Variants in SLC9A9 observed in about 807,000 individuals in gnomAD.
SLC9A9 encodes the protein solute carrier family 9 member A9.
In SLC9A9, 62 loss-of-function variants were observed where a neutral mutation model predicts 77.8. That is an observed-to-expected ratio of 0.80 (90% CI 0.65 to 0.98). The LOEUF is 0.98. SLC9A9 is among the 50% of genes least tolerant of loss of function. SLC9A9 has a pLI of 0.00. For synonymous variants in SLC9A9, 320 were observed against 283.5 expected, an observed-to-expected ratio of 1.13 and a Z score of -1.29; for missense variants, 775 against 774.9, an observed-to-expected ratio of 1.00 and a Z score of 0.00.
chr3:143,658,382 C>T (rs886412196), intron 5 of SLC9A9, among the ~76,000 whole-genome samples: 5 of 152,184 alleles, frequency 3.3e-5, no homozygotes, highest in Admixed American at 6.5e-5. Context: ...CAGTCATCTT[C>T]GGTAGAGCTT....
intron 2 of SLC9A9, among the ~76,000 whole-genome samples, chr3:143,809,552 C>T (rs559715808): frequency 4.7e-4 from 72 of 152,302 alleles, no homozygotes; most frequent in African/African-American, 1.7e-3. Flanking sequence ...TCTCCCCAGA[C>T]TTTGTGTTCA....
At chr3:143,378,997 AAAG>A (rs1380372336) in intron 13 of SLC9A9, among the ~76,000 whole-genome samples, 5 of 151,760 alleles carry the variant, frequency 3.3e-5, no homozygotes, top group Non-Finnish European at 2.9e-5. Flanking sequence ...AGCAGAGAAC[AAAG>A]AAGAAATTTA....
chr3:143,332,776 C>G (rs2031814963), intron 14 of SLC9A9, among the ~76,000 whole-genome samples: 1 of 152,132 alleles, frequency 6.6e-6, no homozygotes, highest in Admixed American at 6.5e-5. Context: ...GAGTGGATGA[C>G]TTTGGGAAGA....
At chr3:143,693,348 AC>A in intron 4 of SLC9A9, 41 bp from the exon 5 acceptor site, 5 of 1,471,474 alleles carry the variant, frequency 3.4e-6, no homozygotes, top group Non-Finnish European at 4.8e-6. Context: ...ATCAAGATGA[AC>A]CCTGTGTAAA....
intron 4 of SLC9A9, among the ~76,000 whole-genome samples, chr3:143,785,511 GAGAACCAC>G (rs2008020456): frequency 1.3e-5 from 2 of 152,226 alleles, no homozygotes; most frequent in African/African-American, 2.4e-5. Flanking sequence ...GACCTCAGAT[GAGAACCAC>G]AGAACTGCCC....
intron 6 of SLC9A9, among the ~76,000 whole-genome samples, chr3:143,591,825 T>C (rs2037649923): frequency 6.6e-6 from 1 of 152,096 alleles, no homozygotes; most frequent in Admixed American, 6.5e-5. Flanking sequence ...AGTTGGACAA[T>C]AGGTCAGAGG....
In SLC9A9 at chr3:143,437,046, A is replaced by G. The variant is rs1007269577; in HGVS notation, c.1469+29991T>C. On this transcript the variant is annotated intron_variant, in intron 12 of 15. Coordinates refer to ENST00000316549, the MANE Select transcript of SLC9A9 (RefSeq NM_173653.4). ...GCTCTTATTGGAGTATTAACATCTCACATTTTTGTGAAGAGTTGATTCAAC... is the reference window on the plus strand; with the variant it reads ...GCTCTTATTGGAGTATTAACATCTCGCATTTTTGTGAAGAGTTGATTCAAC... Among the ~76,000 whole-genome samples the G allele has an allele frequency of 2.0e-5, 3 of 152,150 alleles. No homozygotes were observed. In the East Asian group the frequency reaches 5.8e-4, roughly 29 times the overall value.
At chr3:143,507,049 C>G (rs2036032137) in intron 9 of SLC9A9, among the ~76,000 whole-genome samples, 1 of 151,710 alleles carries the variant, frequency 6.6e-6, no homozygotes, top group East Asian at 1.9e-4. Flanking sequence ...GATTGCTGAC[C>G]TCCTTCCTTA....
At chr3:143,420,985 C>T (rs1016858534) in intron 12 of SLC9A9, among the ~76,000 whole-genome samples, 9 of 151,890 alleles carry the variant, frequency 5.9e-5, no homozygotes, top group Admixed American at 1.3e-4. Flanking sequence ...TTTCTATACA[C>T]CAATAATGTC....
At chr3:143,417,133 T>C (rs1203771721) in intron 12 of SLC9A9, among the ~76,000 whole-genome samples, 2 of 151,416 alleles carry the variant, frequency 1.3e-5, no homozygotes, top group Admixed American at 6.6e-5. Flanking sequence ...GGAAAGGGAG[T>C]GAGAAGGGAG....
intron 2 of SLC9A9, among the ~76,000 whole-genome samples, chr3:143,831,096 T>G (rs1264973327): frequency 6.6e-6 from 1 of 151,988 alleles, no homozygotes; most frequent in Non-Finnish European, 1.5e-5. Flanking sequence ...CCCCTTCTGT[T>G]CCAAACCTCT....
intron 4 of SLC9A9, among the ~76,000 whole-genome samples, chr3:143,765,628 T>C (rs2007289319): frequency 6.6e-6 from 1 of 152,216 alleles, no homozygotes; most frequent in Admixed American, 6.5e-5. Context: ...TCGTGATTGT[T>C]GATATAAGTG....
In SLC9A9 at chr3:143,404,658, GTA is replaced by G. The variant is rs1410725858; in HGVS notation, c.1470-22546_1470-22545del. Among the ~76,000 whole-genome samples, 3 of 151,650 alleles carry G rather than the reference GTA, an allele frequency of 2.0e-5. No homozygotes were observed. The East Asian group carries it at 5.8e-4, about 29-fold the overall frequency. Reference sequence around the variant, plus strand: ...CTAATCTACCTCTTTCCATGTATATGTATTTTTTTGGTCAAAAACTGGACATT... The same window carrying G: ...CTAATCTACCTCTTTCCATGTATATGTTTTTTTGGTCAAAAACTGGACATT... On this transcript the variant is annotated intron_variant, in intron 12 of 15. Coordinates refer to ENST00000316549, the MANE Select transcript of SLC9A9 (RefSeq NM_173653.4).
chr3:143,320,645 A>G (rs904472024), intron 14 of SLC9A9, among the ~76,000 whole-genome samples: 2 of 152,184 alleles, frequency 1.3e-5, no homozygotes, highest in African/African-American at 4.8e-5. Context: ...CACCAAAGGG[A>G]TGGCACTAAG....
At chr3:143,288,684 C>T (rs1209401504) in intron 14 of SLC9A9, among the ~76,000 whole-genome samples, 2 of 152,102 alleles carry the variant, frequency 1.3e-5, no homozygotes, top group Non-Finnish European at 2.9e-5. Context: ...CAGTGATGTT[C>T]CACAAAGACA....
intron 15 of SLC9A9, among the ~76,000 whole-genome samples, chr3:143,267,329 AAC>A (rs1472056465): frequency 2.0e-5 from 3 of 151,210 alleles, no homozygotes; most frequent in Non-Finnish European, 4.4e-5. Flanking sequence ...AAATCCTTGA[AAC>A]ACAGTTATTG....
At chr3:143,618,445 A>G (rs1559996140) in intron 6 of SLC9A9, among the ~76,000 whole-genome samples, 2 of 152,298 alleles carry the variant, frequency 1.3e-5, no homozygotes, top group East Asian at 3.9e-4. Context: ...CAGGAGTCTC[A>G]GGGCCCAATG....
chr3:143,827,366 A>G (rs886959743), intron 2 of SLC9A9, among the ~76,000 whole-genome samples: 1 of 152,230 alleles, frequency 6.6e-6, no homozygotes, highest in African/African-American at 2.4e-5. Flanking sequence ...TCGTCTGCTC[A>G]TAACATATAG....
intron 6 of SLC9A9, among the ~76,000 whole-genome samples, chr3:143,621,927 G>A (rs2038221354): frequency 6.6e-6 from 1 of 152,196 alleles, no homozygotes; most frequent in Non-Finnish European, 1.5e-5. Flanking sequence ...TAAAGGACCT[G>A]ATGGAGCTGA....
Sources: allele counts gnomAD v4.1 joint callset (sites outside exome capture counted in the v4.1 genomes callset), GRCh38; gene constraint gnomAD v4.1.1; transcripts MANE v1.5; gene names NCBI Gene and HGNC (gene_info 2026-07-23, HGNC 2026-07-21).